PDSS2: variants seen among roughly 807,000 people sequenced by gnomAD.
PDSS2 encodes all trans-polyprenyl-diphosphate synthase PDSS2.
In PDSS2, 31 loss-of-function variants were observed where a neutral mutation model predicts 44.5. That is an observed-to-expected ratio of 0.70 (90% CI 0.52 to 0.94). The LOEUF is 0.94. Ranked by LOEUF, PDSS2 falls within the 40% of genes least tolerant of loss-of-function variation. PDSS2 has a pLI of 0.00. For synonymous variants in PDSS2, 157 were observed against 180.3 expected (o/e 0.87, Z 1.03); for missense variants, 452 against 482.2 (o/e 0.94, Z 0.59).
chr6:107,443,680 C>T (rs1781578027), intron 1 of PDSS2, among the ~76,000 whole-genome samples: 1 of 152,202 alleles, frequency 6.6e-6, no homozygotes, highest in African/African-American at 2.4e-5. Flanking sequence ...CTACCCCACA[C>T]TACAATTTTT....
At chr6:107,194,176 A>C (rs1772476152) in intron 6 of PDSS2, among the ~76,000 whole-genome samples, 1 of 152,200 alleles carries the variant, frequency 6.6e-6, no homozygotes, top group Non-Finnish European at 1.5e-5. Flanking sequence ...AATCAAAATT[A>C]ATGAACTCAC....
At chr6:107,427,097 G>A (rs1356416471) in intron 1 of PDSS2, among the ~76,000 whole-genome samples, 3 of 152,142 alleles carry the variant, frequency 2.0e-5, no homozygotes, top group African/African-American at 7.2e-5. Flanking sequence ...TTGAATTCTA[G>A]CTCCCATAAT....
At chr6:107,414,099 T>C (rs181187193) in intron 1 of PDSS2, among the ~76,000 whole-genome samples, 52 of 152,372 alleles carry the variant, frequency 3.4e-4, no homozygotes, top group African/African-American at 1.1e-3. Flanking sequence ...TTTAGTGATA[T>C]GGAAGTCATT....
intron 1 of PDSS2, among the ~76,000 whole-genome samples, chr6:107,456,180 G>A (rs369676845): frequency 9.3e-4 from 141 of 152,280 alleles, no homozygotes; most frequent in African/African-American, 3.3e-3. Flanking sequence ...AATTAGCCAG[G>A]CATGGTGGCG....
rs1304926907 is a variant in PDSS2, at chr6:107,375,724, G to C, written c.297-41392C>G. 2.0e-5 allele frequency among the ~76,000 whole-genome samples: 3 copies of C among 152,182 alleles called. No individual in the cohort carries two copies. In the East Asian group the frequency reaches 5.8e-4, roughly 29 times the overall value. On this transcript the variant is annotated intron_variant, in intron 1 of 7. Coordinates refer to ENST00000369037, the MANE Select transcript of PDSS2 (RefSeq NM_020381.4). ...AACCCTGAGACTAAAACCAGAAAGA[G>C]ACATTACAGGAAAATTATTAAACAA...
chr6:107,269,091 C>T (rs1775505548), intron 3 of PDSS2, among the ~76,000 whole-genome samples: 1 of 151,958 alleles, frequency 6.6e-6, no homozygotes, highest in East Asian at 1.9e-4. Flanking sequence ...AGGCATGCAC[C>T]ACCATGCCCT....
intron 6 of PDSS2, among the ~76,000 whole-genome samples, chr6:107,208,500 T>A (rs1255084609): frequency 1.3e-5 from 2 of 151,742 alleles, no homozygotes; most frequent in Non-Finnish European, 2.9e-5. Context: ...TTTTACCATG[T>A]TGGCCAGGCT....
chr6:107,264,757 C>T (rs1173102998), intron 3 of PDSS2, among the ~76,000 whole-genome samples: 1 of 152,170 alleles, frequency 6.6e-6, no homozygotes, highest in Non-Finnish European at 1.5e-5. Context: ...GATTTCCCTT[C>T]CAATTAGTTA....
chr6:107,453,951 G>A (rs1370712236), intron 1 of PDSS2, among the ~76,000 whole-genome samples: 3 of 151,886 alleles, frequency 2.0e-5, no homozygotes, highest in Non-Finnish European at 4.4e-5. Flanking sequence ...CTATGTGGTA[G>A]CTCATTAACC....
At chr6:107,375,773 C>T (rs940810256) in intron 1 of PDSS2, among the ~76,000 whole-genome samples, 3 of 152,140 alleles carry the variant, frequency 2.0e-5, no homozygotes, top group Non-Finnish European at 2.9e-5. Context: ...ATCAGATGCA[C>T]AAATCCTCAA....
At chr6:107,299,158 A>AAAG (rs1416169549) in intron 2 of PDSS2, among the ~76,000 whole-genome samples, 1 of 150,218 alleles carries the variant, frequency 6.7e-6, no homozygotes, top group Non-Finnish European at 1.5e-5. Context: ...AAAAAAAAAA[A>AAAG]AAAAAAAAAA....
intron 4 of PDSS2, among the ~76,000 whole-genome samples, chr6:107,228,719 T>TAAACAAAC (rs71803225): frequency 7.4e-6 from 1 of 135,312 alleles, no homozygotes; most frequent in African/African-American, 2.9e-5. Context: ...AATAAATAAA[T>TAAACAAAC]AAACAAACAA....
intron 7 of PDSS2, among the ~76,000 whole-genome samples, chr6:107,162,377 C>T (rs1271457801): frequency 6.6e-6 from 1 of 150,670 alleles, no homozygotes; most frequent in Non-Finnish European, 1.5e-5. Flanking sequence ...CCTGTAATCC[C>T]AGCTACTTGG....
intron 4 of PDSS2, among the ~76,000 whole-genome samples, chr6:107,227,804 C>T (rs1773885124): frequency 6.6e-6 from 1 of 152,068 alleles, no homozygotes; most frequent in Middle Eastern, 3.2e-3. Context: ...GGGATGGCTT[C>T]GAAGGGAAAG....
chr6:107,291,994 T>C (rs1776365450), intron 2 of PDSS2, among the ~76,000 whole-genome samples: 1 of 152,062 alleles, frequency 6.6e-6, no homozygotes, highest in South Asian at 2.1e-4. Context: ...CACTAAGCAA[T>C]TGCTGAGGGT....
intron 7 of PDSS2, among the ~76,000 whole-genome samples, chr6:107,155,621 C>G (rs190786157): frequency 1.4e-5 from 2 of 147,126 alleles, no homozygotes; most frequent in Admixed American, 6.9e-5. Flanking sequence ...CACTCTGTTG[C>G]CAGGCTGGAG....
chr6:107,329,098 T>A (rs1383072389), intron 2 of PDSS2, among the ~76,000 whole-genome samples: 2 of 152,226 alleles, frequency 1.3e-5, no homozygotes. Flanking sequence ...AGGGTCACCT[T>A]CTAAGCGTCA....
intron 1 of PDSS2, among the ~76,000 whole-genome samples, chr6:107,359,583 C>T (rs1391310861): frequency 6.7e-6 from 1 of 149,392 alleles, no homozygotes; most frequent in African/African-American, 2.5e-5. Context: ...GAGATTGTGC[C>T]ACTACACTCC....
intron 4 of PDSS2, among the ~76,000 whole-genome samples, chr6:107,242,299 T>C (rs1285860907): frequency 1.3e-5 from 2 of 152,158 alleles, no homozygotes; most frequent in Non-Finnish European, 2.9e-5. Flanking sequence ...AGTCTTGCTC[T>C]GTCGCCCAGG....
Sources: allele counts gnomAD v4.1 joint callset (sites outside exome capture counted in the v4.1 genomes callset), GRCh38; gene constraint gnomAD v4.1.1; transcripts MANE v1.5; gene names NCBI Gene and HGNC (gene_info 2026-07-23, HGNC 2026-07-21).